Variants in ABLIM3 observed in about 807,000 individuals in gnomAD.
The protein encoded by ABLIM3 is actin-binding LIM protein 3.
A neutral mutation model predicts 109.5 loss-of-function variants in ABLIM3; 61 were observed. That is an observed-to-expected ratio of 0.56 (90% confidence interval 0.45 to 0.69). ABLIM3 has a LOEUF of 0.69. ABLIM3 is among the 30% of genes least tolerant of loss of function. The probability of loss-of-function intolerance (pLI) is 0.00; values close to 1 mark genes in which losing one functional copy is unlikely to be tolerated. For missense variants in ABLIM3, 796 were observed against 889.5 expected (o/e 0.89, Z 1.34); for synonymous variants, 300 against 324.8 (o/e 0.92, Z 0.82).
chr5:149,230,188 C>T (rs1349494109), intron 8 of ABLIM3, among the ~76,000 whole-genome samples: 10 of 152,160 alleles, frequency 6.6e-5, no homozygotes, highest in African/African-American at 2.2e-4. Flanking sequence ...CAAACATGTA[C>T]GGATCTCTTC....
intron 2 of ABLIM3, among the ~76,000 whole-genome samples, chr5:149,143,119 C>A (rs994543793): frequency 6.6e-6 from 1 of 152,046 alleles, no homozygotes; most frequent in Admixed American, 6.5e-5. Context: ...AATCCCAGCA[C>A]TTTGGGAGGC....
intron 5 of ABLIM3, among the ~76,000 whole-genome samples, chr5:149,204,770 A>G (rs1329476988): frequency 6.6e-6 from 1 of 152,260 alleles, no homozygotes; most frequent in African/African-American, 2.4e-5. Context: ...TAGAGAGCAT[A>G]CAACTCATAA....
At chr5:149,190,624 G>T (rs1421265293) in intron 3 of ABLIM3, among the ~76,000 whole-genome samples, 1 of 152,188 alleles carries the variant, frequency 6.6e-6, no homozygotes, top group Non-Finnish European at 1.5e-5. Context: ...AGGTTGCAGT[G>T]AGTTGTTATC....
chr5:149,199,034 C>G (rs1206726669), intron 4 of ABLIM3: 1 of 456,522 alleles, frequency 2.2e-6, no homozygotes. Flanking sequence ...AGTCATCTAT[C>G]TTCTCTCAGG....
chr5:149,203,633 C>T lies in ABLIM3; in HGVS notation c.448+3205C>T, dbSNP rs868856821. Among the ~76,000 whole-genome samples, 6 of 152,184 alleles carry T rather than the reference C, an allele frequency of 3.9e-5. No homozygotes were observed. In the Middle Eastern group the frequency reaches 0.01, roughly 261 times the overall value. ...CCACCAACACAATCACCACCACCTTCGCCAACGCTACCATAATCACCACTA... is the reference window on the plus strand; with the variant it reads ...CCACCAACACAATCACCACCACCTTTGCCAACGCTACCATAATCACCACTA... On this transcript the variant is annotated intron_variant, in intron 5 of 23. Transcript: ENST00000309868.
intron 18 of ABLIM3, among the ~76,000 whole-genome samples, chr5:149,248,421 G>A (rs2127569431): frequency 6.6e-6 from 1 of 152,310 alleles, no homozygotes; most frequent in Non-Finnish European, 1.5e-5. Context: ...GCTGGGCGCA[G>A]TGGCTCATGA....
At chr5:149,148,530 A>G (rs1274462174) in intron 2 of ABLIM3, among the ~76,000 whole-genome samples, 2 of 152,110 alleles carry the variant, frequency 1.3e-5, no homozygotes, top group Admixed American at 6.5e-5. Flanking sequence ...AGGATCTCTC[A>G]TTTGTCTCCT....
In ABLIM3 at chr5:149,258,349, A is replaced by C. The variant is rs767017169; in HGVS notation, c.1997A>C (p.Asp666Ala). The stretch of plus-strand genomic sequence containing the variant: ...TTTGGCATGACCATCTCTGAGTTTG[A>C]CCGGCTGGCCCTCTGGAAGAGGAAT... ...QVFGMTISEFDRLALWKRNEL... is the reference protein window; with the variant it reads ...QVFGMTISEFARLALWKRNEL... Residue 666 changes from aspartate to alanine, a missense_variant, in exon 24 of 24, where the codon GAC (aspartate) becomes GCC (alanine). Asp to Ala is a moderately radical substitution (Grantham distance 126, BLOSUM62 -2). Coordinates refer to ENST00000309868, the MANE Select transcript of ABLIM3 (RefSeq NM_014945.5). 2 of 1,613,564 alleles carry C rather than the reference A, an allele frequency of 1.2e-6. No individual in the cohort carries two copies. Among genetic ancestry groups the C allele is most frequent in the Non-Finnish European group, 1.7e-6 (2 of 1,179,934 alleles).
chr5:149,227,499 T>A (rs1449675634), intron 8 of ABLIM3, among the ~76,000 whole-genome samples: 1 of 152,160 alleles, frequency 6.6e-6, no homozygotes, highest in African/African-American at 2.4e-5. Flanking sequence ...CACATAACAT[T>A]CCAAGAAAAT....
chr5:149,240,345 G>C, intron 13 of ABLIM3: 1 of 409,376 alleles, frequency 2.4e-6, no homozygotes. Flanking sequence ...AGCAATTAAG[G>C]GAGCGTCCAA....
intron 9 of ABLIM3, among the ~76,000 whole-genome samples, chr5:149,232,379 G>A (rs1476859896): frequency 6.6e-6 from 1 of 152,160 alleles, no homozygotes; most frequent in Non-Finnish European, 1.5e-5. Flanking sequence ...AACTGAGACG[G>A]CCTCCTTGAT....
At chr5:149,238,746 A>G (rs1752488300) in intron 11 of ABLIM3, among the ~76,000 whole-genome samples, 1 of 152,166 alleles carries the variant, frequency 6.6e-6, no homozygotes, top group Non-Finnish European at 1.5e-5. Flanking sequence ...TCTTCAGTCG[A>G]GACATCCCAT....
At chr5:149,226,021 T>C (rs1761225971) in intron 8 of ABLIM3, among the ~76,000 whole-genome samples, 2 of 131,230 alleles carry the variant, frequency 1.5e-5, no homozygotes, top group East Asian at 2.1e-4. Flanking sequence ...TATATATATA[T>C]ATATATCACA....
At chr5:149,235,485 G>A (rs1427723771) in intron 10 of ABLIM3, among the ~76,000 whole-genome samples, 2 of 152,172 alleles carry the variant, frequency 1.3e-5, no homozygotes, top group Non-Finnish European at 2.9e-5. Context: ...ATGTTAGGAT[G>A]CCTCTGATCA....
At chr5:149,173,759 C>T (rs928683893) in intron 2 of ABLIM3, among the ~76,000 whole-genome samples, 1 of 152,156 alleles carries the variant, frequency 6.6e-6, no homozygotes, top group African/African-American at 2.4e-5. Context: ...CGGTGGCTCA[C>T]GCCTGTAATC....
At chr5:149,248,134 T>C (rs1350803213) in intron 18 of ABLIM3, among the ~76,000 whole-genome samples, 1 of 152,226 alleles carries the variant, frequency 6.6e-6, no homozygotes, top group Non-Finnish European at 1.5e-5. Flanking sequence ...TCAGCTTCCT[T>C]GCCTGCTTTT....
chr5:149,236,993 T>G (rs775811279), intron 10 of ABLIM3, among the ~76,000 whole-genome samples: 9 of 152,230 alleles, frequency 5.9e-5, no homozygotes, highest in Non-Finnish European at 1.3e-4. Context: ...CATCTTCATC[T>G]TCTTCTTCAA....
At chr5:149,221,686 T>C (rs1256439723) in intron 8 of ABLIM3, among the ~76,000 whole-genome samples, 1 of 152,226 alleles carries the variant, frequency 6.6e-6, no homozygotes, top group Non-Finnish European at 1.5e-5. Context: ...GGAAATTAGG[T>C]CACTCATTTT....
chr5:149,240,469 C>G (rs1752697915), intron 13 of ABLIM3: 1 of 588,714 alleles, frequency 1.7e-6, no homozygotes, highest in Admixed American at 2.9e-5. Context: ...GGGATCAAGC[C>G]AGGAAGCAAA....
Sources: allele counts gnomAD v4.1 joint callset (sites outside exome capture counted in the v4.1 genomes callset), GRCh38; gene constraint gnomAD v4.1.1; transcripts MANE v1.5; gene names NCBI Gene and HGNC (gene_info 2026-07-23, HGNC 2026-07-21).